The following GLIS3 variants were observed in gnomAD, a reference collection of about 807,000 sequenced individuals.
The protein encoded by GLIS3 is zinc finger protein GLIS3.
GLIS3 carries 53 observed loss-of-function variants against 78.6 expected under a neutral mutation model. The observed-to-expected ratio is 0.67, with a 90% CI of 0.54 to 0.85. The LOEUF (loss-of-function observed/expected upper bound fraction) is 0.85, where lower values mean the gene tolerates loss of function less well. Among genes scored for constraint, GLIS3 ranks in the 40% least tolerant of loss-of-function variants. The pLI, the probability that GLIS3 is intolerant of heterozygous loss-of-function variation, is 0.00. For missense variants in GLIS3, 1,703 were observed against 1,231.1 expected, an observed-to-expected ratio of 1.38 and a Z score of -5.74; for synonymous variants, 684 against 509.9, an observed-to-expected ratio of 1.34 and a Z score of -4.60.
intron 2 of GLIS3, among the ~76,000 whole-genome samples, chr9:4,192,748 G>A (rs7853441): frequency 0.15 from 22,228 of 151,346 alleles, 2,203 homozygotes; most frequent in African/African-American, 0.28. Context: ...TGGTTGTTCC[G>A]TGTCTCACTA....
chr9:3,864,865 C>A (rs901804708), intron 8 of GLIS3, among the ~76,000 whole-genome samples: 7 of 152,138 alleles, frequency 4.6e-5, no homozygotes, highest in African/African-American at 1.7e-4. Context: ...TCTCCAGCAC[C>A]TTATCTAGTT....
chr9:4,365,625 A>G, the GLIS3 span, among the ~76,000 whole-genome samples: 7 of 152,314 alleles, frequency 4.6e-5, no homozygotes, highest in East Asian at 7.7e-4. Context: ...ATTGCATCTT[A>G]TCACCCTGAC....
At chr9:4,224,556 T>C (rs1273773123) in intron 2 of GLIS3, among the ~76,000 whole-genome samples, 2 of 152,166 alleles carry the variant, frequency 1.3e-5, no homozygotes, top group Admixed American at 1.3e-4. Flanking sequence ...GCTGATTGTT[T>C]TCTCACCGCA....
At chr9:3,976,753 C>T (rs1413856783) in intron 4 of GLIS3, among the ~76,000 whole-genome samples, 1 of 120,424 alleles carries the variant, frequency 8.3e-6, no homozygotes, top group Non-Finnish European at 1.6e-5. Flanking sequence ...AACACAGTGA[C>T]AAGGTTTCTC....
At chr9:4,430,968 G>C in the GLIS3 span, among the ~76,000 whole-genome samples, 1 of 151,726 alleles carries the variant, frequency 6.6e-6, no homozygotes, top group East Asian at 1.9e-4. Flanking sequence ...CTCAGTTTCA[G>C]TTCCTCTAAC....
intron 6 of GLIS3, among the ~76,000 whole-genome samples, chr9:3,919,842 T>C (rs561245622): frequency 4.9e-4 from 74 of 152,042 alleles, no homozygotes; most frequent in African/African-American, 1.7e-3. Flanking sequence ...ACTAGCCTCG[T>C]AGAATTGTTT....
At chr9:4,437,161 G>C in the GLIS3 span, among the ~76,000 whole-genome samples, 2 of 152,266 alleles carry the variant, frequency 1.3e-5, no homozygotes, top group East Asian at 1.9e-4. Context: ...TACTATGAAA[G>C]TGTATTTGAA....
chr9:4,301,254 G>A (rs534862386), upstream of GLIS3, among the ~76,000 whole-genome samples: 16 of 152,304 alleles, frequency 1.1e-4, 1 homozygote, highest in East Asian at 3.1e-3. Context: ...AGTAGGGGAT[G>A]AAAAATAGTA....
chr9:4,169,580 A>T (rs1489854769), intron 2 of GLIS3, among the ~76,000 whole-genome samples: 1 of 152,252 alleles, frequency 6.6e-6, no homozygotes, highest in African/African-American at 2.4e-5. Flanking sequence ...ATTAGGTAAC[A>T]GTATTTATCA....
In GLIS3 at chr9:4,189,499, G is replaced by A. The variant is rs191884117; in HGVS notation, c.389-63558C>T. 1.7e-3 allele frequency among the ~76,000 whole-genome samples: 263 copies of A among 152,264 alleles called. 5 individuals carry two copies. Among genetic ancestry groups the A allele is most frequent in the Admixed American group, 0.013 (206 of 15,300 alleles). ...ATTTGTGGTGCAGAGTTCTGTAGAT[G>A]TCTATTAGGTCTGCTTGGTGCAGAG... On this transcript the variant is annotated intron_variant, in intron 2 of 10. Coordinates refer to ENST00000381971, the MANE Select transcript of GLIS3 (RefSeq NM_001042413.2).
At chr9:4,067,263 G>C (rs1827181688) in intron 4 of GLIS3, among the ~76,000 whole-genome samples, 1 of 150,514 alleles carries the variant, frequency 6.6e-6, no homozygotes, top group Non-Finnish European at 1.5e-5. Context: ...TTATATTAAA[G>C]ACTCACTATA....
the GLIS3 span, among the ~76,000 whole-genome samples, chr9:4,488,711 T>G: frequency 5.7e-4 from 86 of 151,972 alleles, 1 homozygote; most frequent in Admixed American, 1.7e-3. Flanking sequence ...GTAGACGGGA[T>G]TTCCCCATGT....
At chr9:4,197,950 A>G (rs200727037) in intron 2 of GLIS3, among the ~76,000 whole-genome samples, 2 of 85,650 alleles carry the variant, frequency 2.3e-5, no homozygotes, top group South Asian at 1.5e-3. Context: ...GGGAAAGAGA[A>G]AGAGACAAAA....
chr9:4,439,842 C>A, the GLIS3 span, among the ~76,000 whole-genome samples: 1 of 152,112 alleles, frequency 6.6e-6, no homozygotes, highest in Non-Finnish European at 1.5e-5. Flanking sequence ...CCACACCAGG[C>A]TAATTTTTGT....
intron 2 of GLIS3, among the ~76,000 whole-genome samples, chr9:4,282,325 T>G (rs892844513): frequency 6.6e-6 from 1 of 152,182 alleles, no homozygotes; most frequent in Admixed American, 6.5e-5. Context: ...CTCTGGGCAT[T>G]TCTATGAGGG....
chr9:4,477,138 A>C, the GLIS3 span, among the ~76,000 whole-genome samples: 1 of 152,140 alleles, frequency 6.6e-6, no homozygotes, highest in Non-Finnish European at 1.5e-5. Flanking sequence ...TATTATTCAC[A>C]ATAACCAAAA....
At chr9:4,233,066 A>C (rs1011472326) in intron 2 of GLIS3, among the ~76,000 whole-genome samples, 1 of 152,238 alleles carries the variant, frequency 6.6e-6, no homozygotes, top group African/African-American at 2.4e-5. Flanking sequence ...ATGAGCTCTA[A>C]TGGCCAATTA....
At chr9:4,242,065 C>G (rs1052515592) in intron 2 of GLIS3, among the ~76,000 whole-genome samples, 1 of 152,118 alleles carries the variant, frequency 6.6e-6, no homozygotes, top group African/African-American at 2.4e-5. Context: ...CATATTTATC[C>G]TGCTGCTTTG....
chr9:4,434,861 G>C, the GLIS3 span, among the ~76,000 whole-genome samples: 1 of 152,210 alleles, frequency 6.6e-6, no homozygotes, highest in South Asian at 2.1e-4. Flanking sequence ...ACCCATGTGA[G>C]ACCAGTGCTG....
Sources: gnomAD v4.1 joint callset for allele counts (sites outside exome capture counted in the v4.1 genomes callset) on GRCh38, gnomAD v4.1.1 for gene constraint, MANE v1.5 for transcripts, NCBI Gene and HGNC (gene_info 2026-07-23, HGNC 2026-07-21) for gene names.